Variants in PHACTR1 observed in about 807,000 individuals in gnomAD.
The protein encoded by PHACTR1 is phosphatase and actin regulator 1.
PHACTR1 carries 16 observed loss-of-function variants against 69.2 expected under a neutral mutation model. The ratio of observed to expected loss-of-function variants is 0.23; its 90% CI spans 0.16 to 0.35. The LOEUF (loss-of-function observed/expected upper bound fraction) is 0.35. Among genes scored for constraint, PHACTR1 ranks in the 10% least tolerant of loss-of-function variants. The probability of loss-of-function intolerance (pLI) is 1.00; values close to 1 mark genes in which losing one functional copy is unlikely to be tolerated. For synonymous variants in PHACTR1, 312 were observed against 284.5 expected, an observed-to-expected ratio of 1.10 and a Z score of -0.97; for missense variants, 510 against 734.7, an observed-to-expected ratio of 0.69 and a Z score of 3.54.
intron 4 of PHACTR1, among the ~76,000 whole-genome samples, chr6:13,001,842 A>G (rs1045833084): frequency 6.6e-6 from 1 of 152,196 alleles, no homozygotes; most frequent in African/African-American, 2.4e-5. Flanking sequence ...GAATTTCACT[A>G]ATTTCTAAGG....
intron 10 of PHACTR1, among the ~76,000 whole-genome samples, chr6:13,258,702 A>G (rs764339409): frequency 6.6e-6 from 1 of 152,212 alleles, no homozygotes; most frequent in African/African-American, 2.4e-5. Flanking sequence ...AGACTCTGAC[A>G]GAGGGTTACT....
chr6:13,007,184 C>G (rs1212817021), intron 4 of PHACTR1, among the ~76,000 whole-genome samples: 1 of 152,076 alleles, frequency 6.6e-6, no homozygotes, highest in Non-Finnish European at 1.5e-5. Flanking sequence ...CTTGACTTCC[C>G]AGCTGCTTTA....
chr6:13,157,757 A>T (rs986669590), intron 5 of PHACTR1, among the ~76,000 whole-genome samples: 1 of 152,312 alleles, frequency 6.6e-6, no homozygotes, highest in East Asian at 1.9e-4. Flanking sequence ...ATCTCTTTAT[A>T]TTCGGATGGC....
intron 4 of PHACTR1, among the ~76,000 whole-genome samples, chr6:12,966,344 A>G (rs1414443007): frequency 1.3e-5 from 2 of 152,228 alleles, no homozygotes; most frequent in African/African-American, 2.4e-5. Flanking sequence ...TATTATACCC[A>G]TGTTACAGAT....
At chr6:13,065,268 G>A (rs752645956) in intron 5 of PHACTR1, among the ~76,000 whole-genome samples, 1 of 152,028 alleles carries the variant, frequency 6.6e-6, no homozygotes, top group Non-Finnish European at 1.5e-5. Flanking sequence ...AAAGTCGAGG[G>A]TACAGTAACA....
At chr6:13,237,938 T>C (rs531160744) in intron 10 of PHACTR1, among the ~76,000 whole-genome samples, 2 of 152,366 alleles carry the variant, frequency 1.3e-5, no homozygotes, top group Admixed American at 1.3e-4. Flanking sequence ...GGGACCACAG[T>C]CCCATATGCA....
At chr6:12,892,047 C>G (rs1784215319) in intron 4 of PHACTR1, among the ~76,000 whole-genome samples, 1 of 152,242 alleles carries the variant, frequency 6.6e-6, no homozygotes, top group Admixed American at 6.5e-5. Flanking sequence ...CCCTAGGAAG[C>G]TACTAGCTTA....
intron 4 of PHACTR1, among the ~76,000 whole-genome samples, chr6:13,022,793 GA>G (rs1039382343): frequency 1.3e-5 from 2 of 152,114 alleles, no homozygotes; most frequent in African/African-American, 2.4e-5. Flanking sequence ...GAGATGGGTG[GA>G]TCGCTTGAGC....
intron 5 of PHACTR1, among the ~76,000 whole-genome samples, chr6:13,078,365 G>A (rs952034957): frequency 6.6e-6 from 1 of 152,160 alleles, no homozygotes; most frequent in Non-Finnish European, 1.5e-5. Flanking sequence ...TATTGGATTA[G>A]GGACTTATAC....
intron 4 of PHACTR1, among the ~76,000 whole-genome samples, chr6:12,927,704 G>A (rs1444035740): frequency 5.3e-5 from 8 of 152,166 alleles, no homozygotes; most frequent in South Asian, 2.1e-4. Context: ...TCACATGCCC[G>A]TGATGACAAT....
chr6:12,776,862 C>G (rs897475008), intron 4 of PHACTR1, among the ~76,000 whole-genome samples: 1 of 152,130 alleles, frequency 6.6e-6, no homozygotes, highest in East Asian at 1.9e-4. Flanking sequence ...AATTCTTTAG[C>G]AAATGTAGAA....
chr6:12,929,211 T>A (rs9395231), intron 4 of PHACTR1, among the ~76,000 whole-genome samples: 1 of 152,156 alleles, frequency 6.6e-6, no homozygotes, highest in South Asian at 2.1e-4. Context: ...CAATTTGTGC[T>A]TCAGAGTTTC....
chr6:12,810,992 C>T lies in PHACTR1; in HGVS notation c.250+61202C>T, dbSNP rs1035672775. On this transcript the variant is annotated intron_variant, in intron 4 of 14. Coordinates refer to ENST00000332995, the MANE Select transcript of PHACTR1 (RefSeq NM_030948.6). ...GCTTTGTGTCAGTTGCCTGTCCTCA[C>T]TCCTCTTAGATGTTTCTTTGCCTCA... 2.0e-5 allele frequency among the ~76,000 whole-genome samples: 3 copies of T among 152,212 alleles called. No homozygotes were observed. In the South Asian group the frequency reaches 6.2e-4, roughly 32 times the overall value.
At chr6:13,272,774 C>A in intron 10 of PHACTR1, 86 bp from the exon 11 acceptor site, 1 of 1,613,738 alleles carries the variant, frequency 6.2e-7, no homozygotes, top group South Asian at 1.1e-5. Context: ...CACTGACTGT[C>A]TCATGTATCT....
At chr6:12,949,526 T>A (rs1239930612) in intron 4 of PHACTR1, among the ~76,000 whole-genome samples, 1 of 151,968 alleles carries the variant, frequency 6.6e-6, no homozygotes, top group Non-Finnish European at 1.5e-5. Flanking sequence ...AGGAGGTGAG[T>A]CTCTGGAGGC....
chr6:13,044,371 G>A (rs1240716979), intron 4 of PHACTR1, among the ~76,000 whole-genome samples: 1 of 152,144 alleles, frequency 6.6e-6, no homozygotes, highest in Non-Finnish European at 1.5e-5. Context: ...ACTTTGATTA[G>A]GCTTAGAGCC....
intron 4 of PHACTR1, 73 bp from the exon 5 acceptor site, chr6:13,053,292 G>T: frequency 7.2e-7 from 1 of 1,386,116 alleles, no homozygotes; most frequent in Non-Finnish European, 9.8e-7. Flanking sequence ...GGAAAACGTT[G>T]GCCATCTGTG....
chr6:12,920,239 C>T (rs1268393707), intron 4 of PHACTR1, among the ~76,000 whole-genome samples: 1 of 152,178 alleles, frequency 6.6e-6, no homozygotes, highest in Non-Finnish European at 1.5e-5. Context: ...TTTTGTCCTG[C>T]CTCCAATTTA....
In PHACTR1 at chr6:12,847,142, A is replaced by G. The variant is rs140710427; in HGVS notation, c.250+97352A>G. Among the ~76,000 whole-genome samples the G allele has an allele frequency of 3.7e-3, 558 of 152,234 alleles. 2 individuals carry two copies. Among genetic ancestry groups the G allele is most frequent in the African/African-American group, 0.013 (541 of 41,552 alleles). ...GCAACTTGCTTTTTTTCTTTTGTTA[A>G]AGATAATGTTCTCTTATAAGCATTT... On this transcript the variant is annotated intron_variant, in intron 4 of 14. Transcript: ENST00000332995.
Sources: allele counts gnomAD v4.1 joint callset (sites outside exome capture counted in the v4.1 genomes callset), GRCh38; gene constraint gnomAD v4.1.1; transcripts MANE v1.5; gene names NCBI Gene and HGNC (gene_info 2026-07-23, HGNC 2026-07-21).